Variants in UTRN observed in about 807,000 individuals in gnomAD.
The protein encoded by UTRN is utrophin, also known as dystrophin-related protein 1.
A neutral mutation model predicts 463.9 loss-of-function variants in UTRN; 283 were observed. The ratio of observed to expected loss-of-function variants is 0.61; its 90% CI spans 0.55 to 0.67. UTRN has a LOEUF of 0.67. Among genes scored for constraint, UTRN ranks in the 30% least tolerant of loss-of-function variants. UTRN has a pLI of 0.00. For missense variants in UTRN, 3,922 were observed against 4,084.3 expected, an observed-to-expected ratio of 0.96 and a Z score of 1.08; for synonymous variants, 1,442 against 1,431.5, an observed-to-expected ratio of 1.01 and a Z score of -0.17.
chr6:144,602,495 A>T lies in UTRN; in HGVS notation c.7479+25207A>T, dbSNP rs2128637276. Among the ~76,000 whole-genome samples, 3 of 152,330 alleles carry T rather than the reference A, an allele frequency of 2.0e-5. No individual in the cohort carries two copies. The South Asian group carries it at 6.2e-4, about 32-fold the overall frequency. ...ACCAAACTTCTAAATAAAGACCAAA[A>T]TACTTCTAAAACATTGAATTGTAAG... On this transcript the variant is annotated intron_variant, in intron 51 of 74. Transcript: ENST00000367545.
intron 50 of UTRN, among the ~76,000 whole-genome samples, chr6:144,562,025 C>A (rs1383723917): frequency 6.6e-6 from 1 of 151,928 alleles, no homozygotes; most frequent in African/African-American, 2.4e-5. Flanking sequence ...TATAGATATT[C>A]TAAAATTTTA....
At chr6:144,487,522 A>AT (rs531671443) in intron 28 of UTRN, 26 bp from the exon 29 acceptor site, 796 of 1,543,512 alleles carry the variant, frequency 5.2e-4, no homozygotes, top group South Asian at 1.2e-3. Flanking sequence ...ATGCATTATT[A>AT]TTTTTTTTTC....
chr6:144,432,069 G>A (rs1211072794), intron 9 of UTRN, among the ~76,000 whole-genome samples: 1 of 152,100 alleles, frequency 6.6e-6, no homozygotes, highest in Non-Finnish European at 1.5e-5. Context: ...TGTGCCACGG[G>A]TGGTGTGCTG....
chr6:144,486,396 G>T (rs917493738), intron 28 of UTRN, among the ~76,000 whole-genome samples: 1 of 152,150 alleles, frequency 6.6e-6, no homozygotes, highest in Non-Finnish European at 1.5e-5. Flanking sequence ...ATAAAGAAAA[G>T]TATAAAGCAA....
chr6:144,721,598 A>G (rs907114534), intron 53 of UTRN, among the ~76,000 whole-genome samples: 22 of 152,082 alleles, frequency 1.4e-4, no homozygotes, highest in African/African-American at 5.3e-4. Context: ...TTCACTTTAT[A>G]CAATTTGTCT....
intron 51 of UTRN, among the ~76,000 whole-genome samples, chr6:144,628,456 C>T (rs1167690679): frequency 1.3e-5 from 2 of 152,206 alleles, no homozygotes; most frequent in East Asian, 3.9e-4. Context: ...CCACCAGAAA[C>T]CATTGGTTTC....
intron 3 of UTRN, among the ~76,000 whole-genome samples, chr6:144,409,368 T>C (rs1783686899): frequency 6.6e-6 from 1 of 152,232 alleles, no homozygotes; most frequent in Non-Finnish European, 1.5e-5. Flanking sequence ...CTATTGGTAT[T>C]CATAATTGTG....
chr6:144,507,385 T>C (rs910890206), intron 34 of UTRN, among the ~76,000 whole-genome samples: 1 of 152,164 alleles, frequency 6.6e-6, no homozygotes, highest in Non-Finnish European at 1.5e-5. Context: ...GCGCTGGTTT[T>C]TCCTCATCTT....
chr6:144,479,791 G>A, intron 25 of UTRN, 21 bp from the exon 26 acceptor site: 9 of 1,602,008 alleles, frequency 5.6e-6, no homozygotes, highest in African/African-American at 1.3e-5. Context: ...TTTATTTGGG[G>A]GAATGGCTTT....
At position 144,490,947 on chromosome 6, in the gene UTRN, T is replaced by C. The variant is rs1793003947; in HGVS notation, c.4282T>C (p.Ser1428Pro). ...CAAACAGAGGAAACTCCGAGAGGTGTCCACAAAGTTCCAGCTTTTCCAGAA... is the reference window on the plus strand; with the variant it reads ...CAAACAGAGGAAACTCCGAGAGGTGCCCACAAAGTTCCAGCTTTTCCAGAA... Reference protein sequence around the residue: ...DVLQRKLREVSTKFQLFQKPA... With the variant: ...DVLQRKLREVPTKFQLFQKPA... The change falls in exon 32 of 75, where the codon TCC becomes CCC. Residue 1428 changes from serine (S) to proline (P), a missense_variant. This residue lies in a region of UTRN where 2,349 missense variants were observed against 2,303.8 expected (regional missense o/e 1.02). Coordinates refer to ENST00000367545, the MANE Select transcript of UTRN (RefSeq NM_007124.3). 6.2e-7 allele frequency: 1 copy of C among 1,603,750 alleles called. No homozygotes were observed. Among genetic ancestry groups the C allele is most frequent in the South Asian group, 1.1e-5 (1 of 89,630 alleles).
At chr6:144,385,232 C>T (rs544907660) in intron 2 of UTRN, among the ~76,000 whole-genome samples, 19 of 152,258 alleles carry the variant, frequency 1.2e-4, no homozygotes, top group East Asian at 3.9e-4. Flanking sequence ...AAACAGAGAA[C>T]GTTATCCTTC....
At chr6:144,405,188 A>T (rs1020377258) in intron 3 of UTRN, among the ~76,000 whole-genome samples, 2 of 152,152 alleles carry the variant, frequency 1.3e-5, no homozygotes, top group African/African-American at 4.8e-5. Flanking sequence ...GACTCTGAAA[A>T]CTTTTATTTT....
intron 42 of UTRN, 42 bp downstream of exon 42, chr6:144,531,244 T>C (rs928696792): frequency 2.6e-5 from 41 of 1,603,782 alleles, no homozygotes; most frequent in Non-Finnish European, 3.1e-5. Flanking sequence ...CACATATGGT[T>C]AGTGTATGCC....
rs76644799 is a variant in UTRN, at chr6:144,466,085, G to C, written c.3066+3219G>C. On this transcript the variant is annotated intron_variant, in intron 23 of 74. Transcript: ENST00000367545. ...ATCCTTGTACATACAAGTTAGACAA[G>C]AACAATTGACAAATATTGCTAATTC... 2.6e-3 allele frequency among the ~76,000 whole-genome samples: 396 copies of C among 152,282 alleles called. 12 individuals carry two copies. In the East Asian group the frequency reaches 0.059, roughly 23 times the overall value.
At chr6:144,813,632 G>A (rs1778824404) in intron 65 of UTRN, among the ~76,000 whole-genome samples, 1 of 152,120 alleles carries the variant, frequency 6.6e-6, no homozygotes, top group African/African-American at 2.4e-5. Flanking sequence ...TGACAAGAGA[G>A]ATCCAAAATA....
intron 71 of UTRN, 22 bp from the exon 72 acceptor site, chr6:144,839,151 T>C (rs1326339299): frequency 6.3e-7 from 1 of 1,580,308 alleles, no homozygotes; most frequent in Admixed American, 1.7e-5. Context: ...TTCTCTGCTT[T>C]AACCTCTGAA....
intron 54 of UTRN, among the ~76,000 whole-genome samples, 192 bp downstream of exon 54, chr6:144,730,678 G>A (rs543153642): frequency 6.6e-6 from 1 of 151,750 alleles, no homozygotes. Context: ...TAAAATTTTT[G>A]TATACCTCAA....
intron 51 of UTRN, among the ~76,000 whole-genome samples, chr6:144,621,466 C>G (rs935520138): frequency 1.3e-5 from 2 of 152,066 alleles, no homozygotes; most frequent in African/African-American, 4.8e-5. Flanking sequence ...AGTGAATTGT[C>G]TCTCATCCCT....
chr6:144,826,339 T>A (rs1261607910), intron 66 of UTRN, among the ~76,000 whole-genome samples: 1 of 152,088 alleles, frequency 6.6e-6, no homozygotes, highest in African/African-American at 2.4e-5. Context: ...TTTCTTTGTC[T>A]AAGTAGGTAT....
Sources: gnomAD v4.1 joint callset for allele counts (sites outside exome capture counted in the v4.1 genomes callset) on GRCh38, gnomAD v4.1.1 for gene constraint, gnomAD v4.1.1 regional missense constraint, MANE v1.5 for transcripts, NCBI Gene and HGNC (gene_info 2026-07-23, HGNC 2026-07-21) for gene names.